The following TRAF3IP1 variants were observed in gnomAD, a reference collection of about 807,000 sequenced individuals.
The protein encoded by TRAF3IP1 is intraflagellar transport 54.
In TRAF3IP1, 53 loss-of-function variants were observed where a neutral mutation model predicts 89.9. That is an observed-to-expected ratio of 0.59 (90% CI 0.47 to 0.74). The LOEUF (loss-of-function observed/expected upper bound fraction) is 0.74. Among genes scored for constraint, TRAF3IP1 ranks in the 30% least tolerant of loss-of-function variants. The probability of loss-of-function intolerance (pLI) is 0.00; values close to 1 mark genes in which losing one functional copy is unlikely to be tolerated. For missense variants in TRAF3IP1, 806 were observed against 866.1 expected (o/e 0.93, Z 0.87); for synonymous variants, 311 against 322.1 (o/e 0.97, Z 0.37).
At chr2:238,380,448 C>T (rs1334057622) in intron 15 of TRAF3IP1, among the ~76,000 whole-genome samples, 1 of 152,162 alleles carries the variant, frequency 6.6e-6, no homozygotes, top group Non-Finnish European at 1.5e-5. Flanking sequence ...TTGGATTTGG[C>T]TAATTTGAAC....
At position 238,351,834 on chromosome 2, in the gene TRAF3IP1, G is replaced by GGGGTGTGTGTGT. The variant is rs1699167347; in HGVS notation, c.1452-992_1452-991insGGTGTGTGTGTG. Reference sequence around the variant, plus strand: ...TGGCACTGAAGCAAGGGAGGATTTTGGTGTGTGTGTGTGTGTGTGTGTGTG... The same window carrying GGGGTGTGTGTGT: ...TGGCACTGAAGCAAGGGAGGATTTTGGGGTGTGTGTGTGTGTGTGTGTGTGTGTGTGTGTGTG... On this transcript the variant is annotated intron_variant, in intron 12 of 16. Coordinates refer to ENST00000373327, the MANE Select transcript of TRAF3IP1 (RefSeq NM_015650.4). The surrounding 1 kb of genome is among the most constrained non-coding windows in gnomAD (Gnocchi z 5.2). 7.1e-6 allele frequency among the ~76,000 whole-genome samples: 1 copy of GGGGTGTGTGTGT among 140,866 alleles called. No individual in the cohort carries two copies. The highest frequency in any genetic ancestry group is 2.3e-4 in the South Asian group (1 of 4,412). The allele number at this position is 140,866 out of a possible 152,430, so 92.4% of individuals were successfully genotyped here. A position where few individuals can be genotyped will look rare whatever the true frequency, so the allele number is the denominator to read the frequency against.
intron 15 of TRAF3IP1, among the ~76,000 whole-genome samples, chr2:238,365,218 A>G (rs1699823908): frequency 6.6e-6 from 1 of 152,196 alleles, no homozygotes; most frequent in African/African-American, 2.4e-5. Flanking sequence ...CAAATACTAT[A>G]ACTCTTTCAG....
At chr2:238,358,844 T>G (rs1225991117) in intron 15 of TRAF3IP1, among the ~76,000 whole-genome samples, 1 of 152,240 alleles carries the variant, frequency 6.6e-6, no homozygotes, top group Non-Finnish European at 1.5e-5. Context: ...GCCATTTCCT[T>G]TCATAGACAA....
At chr2:238,338,564 G>C in intron 8 of TRAF3IP1, 107 bp downstream of exon 8, 1 of 622,460 alleles carries the variant, frequency 1.6e-6, no homozygotes, top group Non-Finnish European at 2.7e-6. Context: ...CTACTTTAAT[G>C]TTCATGAGAC....
intron 15 of TRAF3IP1, among the ~76,000 whole-genome samples, chr2:238,386,020 T>G (rs1412861771): frequency 6.6e-6 from 1 of 152,186 alleles, no homozygotes; most frequent in Non-Finnish European, 1.5e-5. Flanking sequence ...AAGAAAGAAT[T>G]ACAATTTGGG....
At chr2:238,373,786 G>C (rs1700206049) in intron 15 of TRAF3IP1, among the ~76,000 whole-genome samples, 2 of 152,144 alleles carry the variant, frequency 1.3e-5, no homozygotes, top group South Asian at 2.1e-4. Context: ...TCTTCCATTT[G>C]TTTGTGTCTT....
chr2:238,375,615 G>A (rs1303356525), intron 15 of TRAF3IP1, among the ~76,000 whole-genome samples: 1 of 152,158 alleles, frequency 6.6e-6, no homozygotes, highest in Non-Finnish European at 1.5e-5. Flanking sequence ...GTTGATTTGT[G>A]GTATAGAATT....
Position 238,332,693 on chromosome 2 carries a change from C to T in TRAF3IP1, c.916-131C>T, listed in dbSNP as rs960827308. 8 of 677,586 alleles carry T rather than the reference C, an allele frequency of 1.2e-5. No individual in the cohort carries two copies. The African/African-American group carries it at 1.3e-4, about 11-fold the overall frequency. 42.0% of individuals were successfully genotyped at this position (677,586 alleles called of 1,614,324 possible). A position where few individuals can be genotyped will look rare whatever the true frequency, so the allele number is the denominator to read the frequency against. ...AACAATTGTGGCGATCAGAGCTGGACTGGCGATGTGGTGTTCTCATGGGAA... is the reference window on the plus strand; with the variant it reads ...AACAATTGTGGCGATCAGAGCTGGATTGGCGATGTGGTGTTCTCATGGGAA... On this transcript the variant is annotated intron_variant, in intron 5 of 16. Coordinates refer to ENST00000373327, the MANE Select transcript of TRAF3IP1 (RefSeq NM_015650.4).
chr2:238,353,121 T>G, intron 13 of TRAF3IP1, 52 bp from the exon 14 acceptor site: 1 of 1,611,044 alleles, frequency 6.2e-7, no homozygotes, highest in Non-Finnish European at 8.5e-7. Context: ...AGCATGATCT[T>G]TAAAATTCAA....
At position 238,334,027 on chromosome 2, in the gene TRAF3IP1, C is replaced by T. The variant is rs780340828; in HGVS notation, c.1055C>T (p.Ser352Leu). The change falls in exon 7 of 17, where the codon TCA becomes TTA. Residue 352 changes from serine to leucine, a missense_variant. Physicochemically the swap from Ser to Leu is moderately radical, Grantham distance 145. Around this residue, in one of 3 missense-constraint regions of TRAF3IP1, gnomAD observed 732 missense variants for 780.5 expected, o/e 0.94. Coordinates refer to ENST00000373327, the MANE Select transcript of TRAF3IP1 (RefSeq NM_015650.4). ...ACATCAAAACGGCGATCCAAAAATT[C>T]AGTGGAAGGTACTGCAAAACTTATA... Reference protein sequence around the residue: ...TKTSKRRSKNSVEGRKEDNIS... With the variant: ...TKTSKRRSKNLVEGRKEDNIS... The T allele has an allele frequency of 6.2e-7, 1 of 1,608,686 alleles. No homozygotes were observed. Among genetic ancestry groups the T allele is most frequent in the South Asian group, 1.1e-5 (1 of 90,376 alleles).
chr2:238,392,236 T>C (rs139916474), intron 15 of TRAF3IP1, among the ~76,000 whole-genome samples: 6 of 152,218 alleles, frequency 3.9e-5, no homozygotes, highest in Admixed American at 2.6e-4. Context: ...ATAATAGAGA[T>C]ATACTGTATG....
intron 15 of TRAF3IP1, among the ~76,000 whole-genome samples, chr2:238,394,282 C>CT (rs1296929802): frequency 6.6e-6 from 1 of 152,100 alleles, no homozygotes; most frequent in African/African-American, 2.4e-5. Flanking sequence ...GTTCCTTTGC[C>CT]TTTCTGTATA....
rs187966386 is a variant in TRAF3IP1, at chr2:238,323,347, G to A, written c.124-1959G>A. ...GCCTGCCTCGGCCTCCCAAAGTGCCGAGATTACAGGTGTGAGCTACTGTAC... is the reference window on the plus strand; with the variant it reads ...GCCTGCCTCGGCCTCCCAAAGTGCCAAGATTACAGGTGTGAGCTACTGTAC... On this transcript the variant is annotated intron_variant, in intron 1 of 16. Transcript: ENST00000373327. Among the ~76,000 whole-genome samples, 353 of 152,282 alleles carry A rather than the reference G, an allele frequency of 2.3e-3. 1 individual carries two copies. Among genetic ancestry groups the A allele is most frequent in the Non-Finnish European group, 3.5e-4 (24 of 68,032 alleles).
At chr2:238,388,683 G>A (rs1418013261) in intron 15 of TRAF3IP1, among the ~76,000 whole-genome samples, 3 of 139,650 alleles carry the variant, frequency 2.1e-5, no homozygotes, top group Non-Finnish European at 4.5e-5. Context: ...CTACATCCTC[G>A]ACCTCCTGGG....
At chr2:238,332,392 A>G (rs571185248) in intron 5 of TRAF3IP1, among the ~76,000 whole-genome samples, 20 of 152,322 alleles carry the variant, frequency 1.3e-4, no homozygotes, top group African/African-American at 4.8e-4. Context: ...GCCCCATTCT[A>G]TTAATAAAGT....
chr2:238,368,246 A>G (rs1224059903), intron 15 of TRAF3IP1, among the ~76,000 whole-genome samples: 1 of 152,220 alleles, frequency 6.6e-6, no homozygotes, highest in Non-Finnish European at 1.5e-5. Context: ...GCTGAAATGG[A>G]CGAAACAATG....
Position 238,399,116 on chromosome 2 carries a change from C to A in TRAF3IP1, c.*197C>A. On this transcript the variant is annotated 3_prime_UTR_variant, in exon 17 of 17. Transcript: ENST00000373327. The stretch of plus-strand genomic sequence containing the variant: ...AAAACCATGTTTTCTTACCTCCTTC[C>A]AGATGGAATACTGGCTAGTTATAAA... The A allele has an allele frequency of 1.9e-6, 1 of 521,450 alleles. No homozygotes were observed. Among genetic ancestry groups the A allele is most frequent in the Non-Finnish European group, 3.3e-6 (1 of 305,980 alleles). The allele number at this position is 521,450 out of a possible 1,614,324, so 32.3% of individuals were successfully genotyped here.
intron 15 of TRAF3IP1, among the ~76,000 whole-genome samples, chr2:238,370,564 C>T (rs1421965529): frequency 6.6e-6 from 1 of 152,146 alleles, no homozygotes; most frequent in Non-Finnish European, 1.5e-5. Context: ...TCTCCCTACC[C>T]CGGGCTCTCC....
In TRAF3IP1 at chr2:238,400,821, T is replaced by G. The variant is rs1701428455; in HGVS notation, c.*1902T>G. 1 of 152,220 alleles carries G rather than the reference T, an allele frequency of 6.6e-6. No homozygotes were observed. The highest frequency in any genetic ancestry group is 1.5e-5 in the Non-Finnish European group (1 of 68,042). The allele number at this position is 152,220 out of a possible 1,614,324, so 9.4% of individuals were successfully genotyped here. On this transcript the variant is annotated 3_prime_UTR_variant, in exon 17 of 17. Coordinates refer to ENST00000373327, the MANE Select transcript of TRAF3IP1 (RefSeq NM_015650.4). ...TATGTAAGTAAAATTTTTTATGAAG[T>G]AGTCTGTCAAATTGTATCATAAAGT...
Sources: allele counts gnomAD v4.1 joint callset (sites outside exome capture counted in the v4.1 genomes callset), GRCh38; gene constraint gnomAD v4.1.1; regional missense constraint gnomAD v4.1.1; non-coding constraint Gnocchi (gnomAD v3.1); transcripts MANE v1.5; gene names NCBI Gene and HGNC (gene_info 2026-07-23, HGNC 2026-07-21).